Variants in CDK19 observed in about 807,000 individuals in gnomAD.
CDK19 encodes cyclin-dependent kinase 19.
In CDK19, 20 loss-of-function variants were observed where a neutral mutation model predicts 68.3. The ratio of observed to expected loss-of-function variants is 0.29; its 90% CI spans 0.21 to 0.43. The LOEUF is 0.43. CDK19 is among the 20% of genes least tolerant of loss of function. The pLI is 1.00. For synonymous variants in CDK19, 221 were observed against 222.8 expected, an observed-to-expected ratio of 0.99 and a Z score of 0.07; for missense variants, 339 against 623.5, an observed-to-expected ratio of 0.54 and a Z score of 4.86.
chr6:110,684,474 G>A (rs1018592816), intron 2 of CDK19, among the ~76,000 whole-genome samples: 2 of 151,748 alleles, frequency 1.3e-5, no homozygotes, highest in African/African-American at 4.8e-5. Context: ...GGACGTGGGT[G>A]AAACTAACCT....
chr6:110,669,538 T>A (rs1345520005), intron 3 of CDK19, among the ~76,000 whole-genome samples: 1 of 152,166 alleles, frequency 6.6e-6, no homozygotes, highest in African/African-American at 2.4e-5. Flanking sequence ...CTCAACAGTT[T>A]GAGAGGCCAA....
At chr6:110,775,702 G>A (rs575728178) in intron 1 of CDK19, among the ~76,000 whole-genome samples, 3 of 152,262 alleles carry the variant, frequency 2.0e-5, no homozygotes, top group Non-Finnish European at 2.9e-5. Context: ...GCTGATGTAT[G>A]AGAAAAATGA....
intron 2 of CDK19, among the ~76,000 whole-genome samples, chr6:110,735,875 T>A (rs997673083): frequency 6.6e-6 from 1 of 152,170 alleles, no homozygotes; most frequent in Non-Finnish European, 1.5e-5. Flanking sequence ...CGCCAAAACA[T>A]TTCATGAGAT....
chr6:110,719,672 TAGAA>T (rs1381099105), intron 2 of CDK19, among the ~76,000 whole-genome samples: 2 of 152,122 alleles, frequency 1.3e-5, no homozygotes, highest in East Asian at 3.9e-4. Context: ...CTATTTCAAT[TAGAA>T]AGCTGCTACT....
In CDK19 at chr6:110,733,157, CG is replaced by C. The variant is rs529847400; in HGVS notation, c.204+12968del. Among the ~76,000 whole-genome samples the C allele has an allele frequency of 1.8e-4, 28 of 152,262 alleles. No homozygotes were observed. In the South Asian group the frequency reaches 5.4e-3, roughly 29 times the overall value. ...CACTATTCTGATTTCTATCACAATA[CG>C]TATTTCTGTCTGCTCTTAAATTTCA... is the stretch of plus-strand genomic sequence containing the variant. On this transcript the variant is annotated intron_variant, in intron 2 of 12. Coordinates refer to ENST00000368911, the MANE Select transcript of CDK19 (RefSeq NM_015076.5).
chr6:110,617,646 A>T (rs1296598518), intron 12 of CDK19, among the ~76,000 whole-genome samples: 1 of 93,512 alleles, frequency 1.1e-5, no homozygotes, highest in Admixed American at 1.2e-4. Flanking sequence ...TAATAATAAA[A>T]TTATTTATAT....
At chr6:110,645,893 C>T (rs1180601710) in intron 4 of CDK19, 1 of 784,682 alleles carries the variant, frequency 1.3e-6, no homozygotes, top group Non-Finnish European at 2.1e-6. Context: ...ACAGCGGCGA[C>T]TCAGTCCTGC....
Position 110,614,592 on chromosome 6 carries a change from A to G in CDK19, c.1452T>C (p.Ser484=). 6.2e-7 allele frequency: 1 copy of G among 1,613,998 alleles called. No homozygotes were observed. ...ACTGTGAGCTCTGCTGAGACGAGGA[A>G]GAGTAGCCAAGTGTGCTCTGGGACT... ...SSQSQSTLGY[S]SSSQQSSQYH... Residue 484 remains serine, a synonymous_variant, in exon 13 of 13, where the codon TCT becomes TCC. Coordinates refer to ENST00000368911, the MANE Select transcript of CDK19 (RefSeq NM_015076.5).
chr6:110,664,012 G>T (rs1781769029), intron 4 of CDK19, among the ~76,000 whole-genome samples: 1 of 151,670 alleles, frequency 6.6e-6, no homozygotes, highest in Admixed American at 6.6e-5. Context: ...TTTCTAGTGG[G>T]GGAAAAAATC....
chr6:110,814,870 G>T (rs762999615), intron 1 of CDK19, 139 bp downstream of exon 1: 5 of 1,136,258 alleles, frequency 4.4e-6, no homozygotes, highest in Middle Eastern at 2.0e-4. Context: ...CCTCGGAGTC[G>T]GTGTCCGGAC....
intron 4 of CDK19, among the ~76,000 whole-genome samples, chr6:110,653,144 A>G (rs961543386): frequency 2.4e-4 from 36 of 152,322 alleles, no homozygotes; most frequent in Non-Finnish European, 2.6e-4. Context: ...TGAATAATAT[A>G]ATCACCATCA....
intron 2 of CDK19, among the ~76,000 whole-genome samples, chr6:110,701,387 A>G (rs1582896783): frequency 1.3e-5 from 1 of 75,440 alleles, no homozygotes; most frequent in South Asian, 7.8e-4. Flanking sequence ...CTAAAAATAC[A>G]AAAAAAAAAA....
chr6:110,723,865 A>C (rs1776126953), intron 2 of CDK19, among the ~76,000 whole-genome samples: 2 of 152,224 alleles, frequency 1.3e-5, no homozygotes, highest in Non-Finnish European at 1.5e-5. Flanking sequence ...CTTTTGGCTA[A>C]GATCAAGTGT....
intron 1 of CDK19, among the ~76,000 whole-genome samples, chr6:110,748,715 C>T (rs963169854): frequency 1.3e-5 from 2 of 152,166 alleles, no homozygotes; most frequent in Admixed American, 1.3e-4. Context: ...TTTAACACAA[C>T]GTCTAGAAAT....
Position 110,656,661 on chromosome 6 carries a change from G to A in CDK19, c.456+10773C>T, listed in dbSNP as rs150063592. ...AACTTCAGTATTCACAGTAAACAAT[G>A]CTTGCCAACCCAGCACTGCCAACAG... On this transcript the variant is annotated intron_variant, in intron 4 of 12. Coordinates refer to ENST00000368911, the MANE Select transcript of CDK19 (RefSeq NM_015076.5). Among the ~76,000 whole-genome samples, 119 of 152,286 alleles carry A rather than the reference G, an allele frequency of 7.8e-4. 1 individual carries two copies. The highest frequency in any genetic ancestry group is 2.8e-3 in the African/African-American group (118 of 41,562).
chr6:110,738,035 G>GAA (rs769142875), intron 2 of CDK19, among the ~76,000 whole-genome samples: 9 of 150,846 alleles, frequency 6.0e-5, no homozygotes, highest in East Asian at 5.8e-4. Context: ...TTAAAAGTCT[G>GAA]AAAAAAAAAT....
intron 2 of CDK19, among the ~76,000 whole-genome samples, chr6:110,719,974 C>G (rs796938749): frequency 9.6e-5 from 1 of 10,428 alleles, no homozygotes; most frequent in Non-Finnish European, 1.9e-4. Context: ...TGTGATCCGC[C>G]CCCCCCCCCC....
intron 1 of CDK19, among the ~76,000 whole-genome samples, chr6:110,784,033 C>T (rs1160326963): frequency 6.6e-6 from 1 of 151,514 alleles, no homozygotes; most frequent in Non-Finnish European, 1.5e-5. Flanking sequence ...ATGGTGCACA[C>T]TTGTAATATC....
chr6:110,719,571 A>G (rs1775664216), intron 2 of CDK19, among the ~76,000 whole-genome samples: 1 of 152,190 alleles, frequency 6.6e-6, no homozygotes, highest in Non-Finnish European at 1.5e-5. Context: ...ACATTCATGT[A>G]AACAGATTAA....
Sources: gnomAD v4.1 joint callset for allele counts (sites outside exome capture counted in the v4.1 genomes callset) on GRCh38, gnomAD v4.1.1 for gene constraint, MANE v1.5 for transcripts, NCBI Gene and HGNC (gene_info 2026-07-23, HGNC 2026-07-21) for gene names.